CPQ: variants seen among roughly 807,000 people sequenced by gnomAD.
CPQ encodes the protein Ser-Met dipeptidase.
A neutral mutation model predicts 45.7 loss-of-function variants in CPQ; 37 were observed. The observed-to-expected ratio is 0.81, with a 90% confidence interval of 0.62 to 1.07. CPQ has a LOEUF of 1.07. CPQ is among the 50% of genes least tolerant of loss of function. The probability of loss-of-function intolerance (pLI) is 0.00; values close to 1 mark genes in which losing one functional copy is unlikely to be tolerated. For synonymous variants in CPQ, 186 were observed against 205.8 expected (o/e 0.90, Z 0.82); for missense variants, 537 against 572.9 (o/e 0.94, Z 0.64).
chr8:96,757,070 C>A (rs778536723), intron 1 of CPQ, among the ~76,000 whole-genome samples: 1 of 152,026 alleles, frequency 6.6e-6, no homozygotes, highest in African/African-American at 2.4e-5. Flanking sequence ...TGATTTCCAG[C>A]TGAGCGTGGT....
At chr8:96,647,918 AAGCAGTGTTGTTTCTTGGACT>A (rs367650163) in intron 1 of CPQ, among the ~76,000 whole-genome samples, 126 of 152,306 alleles carry the variant, frequency 8.3e-4, no homozygotes, top group African/African-American at 3.0e-3. Flanking sequence ...CATGAGTGCT[AAGCAGTGTTGTTTCTTGGACT>A]AGCTTTGTGC....
intron 7 of CPQ, among the ~76,000 whole-genome samples, chr8:97,139,653 A>G (rs1023857094): frequency 1.3e-5 from 2 of 152,088 alleles, no homozygotes; most frequent in African/African-American, 4.8e-5. Context: ...AGTCAAGGAA[A>G]AAGTAAAACT....
intron 1 of CPQ, among the ~76,000 whole-genome samples, chr8:96,710,976 C>G (rs900009731): frequency 6.6e-6 from 1 of 152,092 alleles, no homozygotes; most frequent in African/African-American, 2.4e-5. Flanking sequence ...GTGTTGCTAT[C>G]TATCTGTTTT....
At chr8:96,956,723 T>C (rs1002271145) in intron 4 of CPQ, among the ~76,000 whole-genome samples, 2 of 152,198 alleles carry the variant, frequency 1.3e-5, no homozygotes, top group Admixed American at 1.3e-4. Flanking sequence ...GGGATAATAG[T>C]ATTCTTTTAA....
chr8:96,719,425 C>G (rs75273516), intron 1 of CPQ, among the ~76,000 whole-genome samples: 1 of 152,222 alleles, frequency 6.6e-6, no homozygotes, highest in African/African-American at 2.4e-5. Flanking sequence ...CCAGCTGTTC[C>G]GCAAGCACCG....
intron 4 of CPQ, among the ~76,000 whole-genome samples, chr8:96,906,601 T>A (rs1812580660): frequency 6.6e-6 from 1 of 152,324 alleles, no homozygotes; most frequent in South Asian, 2.1e-4. Flanking sequence ...TCTCACAGTT[T>A]TGGTGGCTGG....
At chr8:96,814,159 A>C (rs1811196025) in intron 2 of CPQ, among the ~76,000 whole-genome samples, 1 of 152,054 alleles carries the variant, frequency 6.6e-6, no homozygotes, top group African/African-American at 2.4e-5. Flanking sequence ...AATAAATACA[A>C]TTTCAATAAA....
chr8:97,040,544 A>G (rs1029142818), intron 6 of CPQ, among the ~76,000 whole-genome samples: 16 of 152,360 alleles, frequency 1.1e-4, no homozygotes, highest in South Asian at 6.2e-4. Context: ...TGTTTTAGAC[A>G]TGAAGGCCTT....
At chr8:96,836,916 A>C (rs894968883) in intron 3 of CPQ, among the ~76,000 whole-genome samples, 3 of 152,132 alleles carry the variant, frequency 2.0e-5, no homozygotes, top group African/African-American at 7.2e-5. Flanking sequence ...GACTGATTAT[A>C]ATGTTTCACT....
At chr8:97,046,529 G>T (rs1165348973) in intron 6 of CPQ, among the ~76,000 whole-genome samples, 1 of 152,040 alleles carries the variant, frequency 6.6e-6, no homozygotes, top group African/African-American at 2.4e-5. Flanking sequence ...GGTTTAAAGT[G>T]GTTTCATCAT....
At chr8:96,745,405 A>T (rs1237526020) in intron 1 of CPQ, among the ~76,000 whole-genome samples, 1 of 152,254 alleles carries the variant, frequency 6.6e-6, no homozygotes, top group Non-Finnish European at 1.5e-5. Context: ...AAGGACTATG[A>T]TATGTGTATA....
intron 1 of CPQ, among the ~76,000 whole-genome samples, chr8:96,675,821 G>A (rs1011124622): frequency 6.6e-6 from 1 of 151,886 alleles, no homozygotes; most frequent in Non-Finnish European, 1.5e-5. Flanking sequence ...TATTTTCTAT[G>A]AACTGTTTAT....
chr8:97,139,915 CA>C (rs1468445740), intron 7 of CPQ, among the ~76,000 whole-genome samples: 1 of 151,422 alleles, frequency 6.6e-6, no homozygotes, highest in Non-Finnish European at 1.5e-5. Flanking sequence ...AATGGAAGAA[CA>C]ACTACTAAAT....
intron 7 of CPQ, among the ~76,000 whole-genome samples, chr8:97,134,797 A>G (rs1180787741): frequency 6.6e-6 from 1 of 152,128 alleles, no homozygotes; most frequent in African/African-American, 2.4e-5. Context: ...ACTAAAATCT[A>G]TTTTCCATCT....
At chr8:96,832,662 C>T (rs1446847923) in intron 2 of CPQ, among the ~76,000 whole-genome samples, 1 of 151,964 alleles carries the variant, frequency 6.6e-6, no homozygotes, top group Non-Finnish European at 1.5e-5. Flanking sequence ...GGGAATGCTC[C>T]CTAAAGAAGT....
At chr8:97,061,114 A>G (rs766894667) in intron 6 of CPQ, among the ~76,000 whole-genome samples, 5 of 152,202 alleles carry the variant, frequency 3.3e-5, no homozygotes, top group Non-Finnish European at 5.9e-5. Flanking sequence ...AAAGTTCTAC[A>G]CGAATAGAAA....
At chr8:96,804,686 AC>A (rs1563501212) in intron 2 of CPQ, among the ~76,000 whole-genome samples, 1 of 152,116 alleles carries the variant, frequency 6.6e-6, no homozygotes, top group African/African-American at 2.4e-5. Context: ...TTAGCCTGTT[AC>A]CTGCTAATGT....
At chr8:97,043,268 G>T (rs1260321316) in intron 6 of CPQ, among the ~76,000 whole-genome samples, 1 of 151,506 alleles carries the variant, frequency 6.6e-6, no homozygotes, top group Non-Finnish European at 1.5e-5. Context: ...TTTGATCTTT[G>T]TTGGTTTAAA....
chr8:96,648,584 A>G (rs1329391759), intron 1 of CPQ, among the ~76,000 whole-genome samples: 1 of 152,180 alleles, frequency 6.6e-6, no homozygotes, highest in Non-Finnish European at 1.5e-5. Flanking sequence ...TATTGAGTGT[A>G]TACTATGTGA....
Sources: gnomAD v4.1 joint callset for allele counts (sites outside exome capture counted in the v4.1 genomes callset) on GRCh38, gnomAD v4.1.1 for gene constraint, MANE v1.5 for transcripts, NCBI Gene and HGNC (gene_info 2026-07-23, HGNC 2026-07-21) for gene names.